The following CNTNAP5 variants were observed in gnomAD, a reference collection of about 807,000 sequenced individuals.
CNTNAP5 encodes contactin associated protein family member 5, also known as contactin-associated protein-like 5.
CNTNAP5 carries 72 observed loss-of-function variants against 150.2 expected under a neutral mutation model. The observed-to-expected ratio is 0.48, with a 90% CI of 0.40 to 0.58. The LOEUF (loss-of-function observed/expected upper bound fraction) is 0.58, where lower values mean the gene tolerates loss of function less well. Among genes scored for constraint, CNTNAP5 ranks in the 20% least tolerant of loss-of-function variants. CNTNAP5 has a pLI of 0.00. For synonymous variants in CNTNAP5, 672 were observed against 619.8 expected, an observed-to-expected ratio of 1.08 and a Z score of -1.25; for missense variants, 1,636 against 1,626.2, an observed-to-expected ratio of 1.01 and a Z score of -0.10.
chr2:124,764,672 T>C lies in CNTNAP5; in HGVS notation c.2533+525T>C, dbSNP rs1178033669. ...ACTTGATGCCAGGATGTGGATCACC[T>C]TTTAGCACTGCATATCCTACATATA... On this transcript the variant is annotated intron_variant, in intron 16 of 23. Transcript: ENST00000682447. Among the ~76,000 whole-genome samples the C allele has an allele frequency of 2.0e-5, 3 of 152,162 alleles. No individual in the cohort carries two copies. In the East Asian group the frequency reaches 5.8e-4, roughly 29 times the overall value.
At chr2:124,778,331 T>G (rs1476544698) in intron 17 of CNTNAP5, 2 of 151,962 alleles carry the variant, frequency 1.3e-5, no homozygotes, top group Non-Finnish European at 2.9e-5. Context: ...TTGGGCAGAG[T>G]AGGGGATGGG....
intron 1 of CNTNAP5, among the ~76,000 whole-genome samples, chr2:124,074,423 T>A (rs1682387231): frequency 6.6e-6 from 1 of 152,172 alleles, no homozygotes; most frequent in South Asian, 2.1e-4. Context: ...TATTACACAT[T>A]CCATGCCTAT....
At chr2:124,857,819 C>A (rs900300081) in intron 19 of CNTNAP5, among the ~76,000 whole-genome samples, 1 of 151,684 alleles carries the variant, frequency 6.6e-6, no homozygotes, top group African/African-American at 2.4e-5. Flanking sequence ...AAGAGTGACA[C>A]TTCATGAAAA....
At chr2:124,691,264 C>T (rs772813118) in intron 13 of CNTNAP5, among the ~76,000 whole-genome samples, 64 of 152,118 alleles carry the variant, frequency 4.2e-4, no homozygotes, top group Non-Finnish European at 5.9e-4. Flanking sequence ...GACCTATAAT[C>T]ATACAAGGTA....
chr2:124,108,406 C>T (rs1418897539), intron 1 of CNTNAP5, among the ~76,000 whole-genome samples: 1 of 152,150 alleles, frequency 6.6e-6, no homozygotes, highest in Non-Finnish European at 1.5e-5. Flanking sequence ...TCTACTACTT[C>T]AAATGTTATT....
At chr2:124,159,626 G>A (rs1232219283) in intron 1 of CNTNAP5, among the ~76,000 whole-genome samples, 2 of 152,128 alleles carry the variant, frequency 1.3e-5, no homozygotes, top group Admixed American at 6.5e-5. Flanking sequence ...GAAAACAAAA[G>A]CACTGGACAA....
At chr2:124,116,333 G>A (rs1683428446) in intron 1 of CNTNAP5, among the ~76,000 whole-genome samples, 1 of 152,176 alleles carries the variant, frequency 6.6e-6, no homozygotes, top group Non-Finnish European at 1.5e-5. Flanking sequence ...CATAGCATGA[G>A]CACATGACCT....
At chr2:124,651,173 A>C (rs368847580) in intron 13 of CNTNAP5, among the ~76,000 whole-genome samples, 7 of 152,346 alleles carry the variant, frequency 4.6e-5, no homozygotes, top group African/African-American at 1.7e-4. Flanking sequence ...TTAATTTTTA[A>C]AAGCGTGCAG....
intron 5 of CNTNAP5, among the ~76,000 whole-genome samples, chr2:124,437,416 C>T (rs1360043477): frequency 6.6e-6 from 1 of 152,042 alleles, no homozygotes; most frequent in Non-Finnish European, 1.5e-5. Context: ...AAATAGTAGA[C>T]TCAAAGAGGA....
intron 4 of CNTNAP5, among the ~76,000 whole-genome samples, chr2:124,431,111 G>C (rs1386773431): frequency 6.6e-6 from 1 of 152,172 alleles, no homozygotes; most frequent in African/African-American, 2.4e-5. Flanking sequence ...AGCTCTGTTA[G>C]ACTCGTTCTA....
chr2:124,519,121 G>GC (rs1293155671), intron 8 of CNTNAP5, among the ~76,000 whole-genome samples: 1 of 151,592 alleles, frequency 6.6e-6, no homozygotes, highest in East Asian at 1.9e-4. Flanking sequence ...TATATAAAGT[G>GC]CCCAGAATAG....
intron 1 of CNTNAP5, among the ~76,000 whole-genome samples, chr2:124,052,146 A>G (rs1213959): frequency 0.98 from 149,344 of 152,270 alleles, 73,305 homozygotes; most frequent in East Asian, 1. Context: ...TGGTGACAAA[A>G]GTCCCTGGGC....
chr2:124,584,735 T>C (rs1362645104), intron 11 of CNTNAP5, among the ~76,000 whole-genome samples: 3 of 152,202 alleles, frequency 2.0e-5, no homozygotes, highest in Non-Finnish European at 4.4e-5. Flanking sequence ...GACAAATAAA[T>C]ACTGTATAAT....
chr2:124,523,909 A>G (rs935385475), intron 8 of CNTNAP5, among the ~76,000 whole-genome samples: 2 of 151,960 alleles, frequency 1.3e-5, no homozygotes, highest in Admixed American at 6.6e-5. Context: ...AATTGCTCTT[A>G]ACTCTACCAC....
Position 124,188,844 on chromosome 2 carries a change from C to T in CNTNAP5, c.83-32861C>T, listed in dbSNP as rs10175484. ...AGCACCAGGTAGAATTCAGCAGTGGCATCTGACATTGTCATGCTTCAGACA... is the reference window on the plus strand; with the variant it reads ...AGCACCAGGTAGAATTCAGCAGTGGTATCTGACATTGTCATGCTTCAGACA... On this transcript the variant is annotated intron_variant, in intron 1 of 23. Transcript: ENST00000682447. Among the ~76,000 whole-genome samples the T allele has an allele frequency of 3.2e-3, 486 of 151,940 alleles. 6 individuals are homozygous for T. The highest frequency in any genetic ancestry group is 0.011 in the African/African-American group (458 of 41,438).
chr2:124,198,376 C>T (rs1399737784), intron 1 of CNTNAP5, among the ~76,000 whole-genome samples: 5 of 151,972 alleles, frequency 3.3e-5, no homozygotes, highest in Admixed American at 2.0e-4. Flanking sequence ...ATACATGTAC[C>T]TATATATTAC....
At chr2:124,312,046 A>G (rs1263299119) in intron 3 of CNTNAP5, among the ~76,000 whole-genome samples, 5 of 152,178 alleles carry the variant, frequency 3.3e-5, no homozygotes, top group Non-Finnish European at 7.3e-5. Context: ...ACAGCCTGGA[A>G]CAGCAAAGGT....
chr2:124,785,821 AT>A (rs1482916266), intron 17 of CNTNAP5, among the ~76,000 whole-genome samples: 1 of 152,222 alleles, frequency 6.6e-6, no homozygotes, highest in Non-Finnish European at 1.5e-5. Context: ...TCAAATTTGC[AT>A]TAATTCTAGC....
At chr2:124,802,246 C>T (rs781484019) in intron 19 of CNTNAP5, among the ~76,000 whole-genome samples, 12 of 152,070 alleles carry the variant, frequency 7.9e-5, no homozygotes, top group African/African-American at 2.2e-4. Flanking sequence ...TATAGTTGAA[C>T]GGGCCAGAGG....
Sources: allele counts gnomAD v4.1 joint callset (sites outside exome capture counted in the v4.1 genomes callset), GRCh38; gene constraint gnomAD v4.1.1; transcripts MANE v1.5; gene names NCBI Gene and HGNC (gene_info 2026-07-23, HGNC 2026-07-21).